ANKIB1: variants seen among roughly 807,000 people sequenced by gnomAD.
ANKIB1 encodes the protein ankyrin repeat and IBR domain containing 1, also known as ankyrin repeat and IBR domain-containing protein 1.
ANKIB1 carries 43 observed loss-of-function variants against 122.1 expected under a neutral mutation model. The ratio of observed to expected loss-of-function variants is 0.35; its 90% CI spans 0.28 to 0.45. ANKIB1 has a LOEUF of 0.45. Among genes scored for constraint, ANKIB1 ranks in the 20% least tolerant of loss-of-function variants. The pLI, the probability that ANKIB1 is intolerant of heterozygous loss-of-function variation, is 1.00. For synonymous variants in ANKIB1, 390 were observed against 442.0 expected (o/e 0.88, Z 1.48); for missense variants, 992 against 1,329.5 (o/e 0.75, Z 3.95).
intron 3 of ANKIB1, among the ~76,000 whole-genome samples, chr7:92,316,367 G>C (rs1421559957): frequency 6.6e-6 from 1 of 152,066 alleles, no homozygotes; most frequent in East Asian, 1.9e-4. Flanking sequence ...TTACTTACTG[G>C]TGTTCCTGAC....
Position 92,258,575 on chromosome 7 carries a change from G to A in ANKIB1, c.-91+12056G>A, listed in dbSNP as rs374084474. Among the ~76,000 whole-genome samples, 49 of 152,222 alleles carry A rather than the reference G, an allele frequency of 3.2e-4. 1 individual carries two copies. The highest frequency in any genetic ancestry group is 9.9e-4 in the African/African-American group (41 of 41,512). On this transcript the variant is annotated intron_variant, in intron 1 of 19. Transcript: ENST00000265742. ...TCTTAGAATGGTACTGGTTATATAC[G>A]ATCATTGGGAGAATTTTAGAAATAG... is the stretch of plus-strand genomic sequence containing the variant.
At chr7:92,310,782 C>T (rs777111423) in intron 3 of ANKIB1, among the ~76,000 whole-genome samples, 3 of 152,056 alleles carry the variant, frequency 2.0e-5, no homozygotes, top group Non-Finnish European at 4.4e-5. Context: ...AAGAAAAAAA[C>T]GTGGATGTTC....
Position 92,362,208 on chromosome 7 carries a change from A to T in ANKIB1, c.1421A>T (p.Glu474Val), listed in dbSNP as rs750507159. ...FCWECLGEAH[E>V]PCDCQTWKNW... ...AGGGAGTGCCTTGGTGAAGCACATGAGCCTTGTGACTGCCAAACATGGAAG... is the reference window on the plus strand; with the variant it reads ...AGGGAGTGCCTTGGTGAAGCACATGTGCCTTGTGACTGCCAAACATGGAAG... The change falls in exon 10 of 20, where the codon GAG (glutamate) becomes GTG (valine). Residue 474 changes from glutamate (E) to valine (V), a missense_variant. Glu to Val is a moderately radical substitution (Grantham distance 121). Transcript: ENST00000265742. The T allele has an allele frequency of 6.2e-7, 1 of 1,600,440 alleles. No individual in the cohort carries two copies. Among genetic ancestry groups the T allele is most frequent in the South Asian group, 1.1e-5 (1 of 87,998 alleles).
intron 10 of ANKIB1, among the ~76,000 whole-genome samples, chr7:92,368,125 C>G (rs1024271643): frequency 6.6e-6 from 1 of 151,844 alleles, no homozygotes; most frequent in Non-Finnish European, 1.5e-5. Context: ...CACTGCATTC[C>G]AGTCTGGATA....
At chr7:92,328,555 C>T (rs866136847) in intron 5 of ANKIB1, among the ~76,000 whole-genome samples, 6 of 152,038 alleles carry the variant, frequency 3.9e-5, no homozygotes, top group South Asian at 2.1e-4. Flanking sequence ...ATTGGATCTT[C>T]TCATTGCCCA....
intron 6 of ANKIB1, among the ~76,000 whole-genome samples, chr7:92,344,198 T>G (rs1246529410): frequency 1.6e-5 from 1 of 61,376 alleles, no homozygotes; most frequent in African/African-American, 5.4e-5. Flanking sequence ...TTTTGGTTTT[T>G]TTTTTTTTTT....
rs956206684 is a variant in ANKIB1 at position 92,398,008 on chromosome 7, A to G, written c.2532+149A>G. On this transcript the variant is annotated intron_variant, in intron 19 of 19. Coordinates refer to ENST00000265742, the MANE Select transcript of ANKIB1 (RefSeq NM_019004.2). Reference sequence around the variant, plus strand: ...ATGTGCTGCAGGAAAAGATATTCCTATATTTTAGATTTATTTTAAGGTATG... The same window carrying G: ...ATGTGCTGCAGGAAAAGATATTCCTGTATTTTAGATTTATTTTAAGGTATG... 3.6e-5 allele frequency: 45 copies of G among 1,237,888 alleles called. No individual in the cohort carries two copies. In the Middle Eastern group the frequency reaches 1.1e-3, roughly 29 times the overall value. The allele number at this position is 1,237,888 out of a possible 1,614,324, so 76.7% of individuals were successfully genotyped here.
At chr7:92,330,523 T>G (rs1803147442) in intron 5 of ANKIB1, among the ~76,000 whole-genome samples, 1 of 152,174 alleles carries the variant, frequency 6.6e-6, no homozygotes, top group South Asian at 2.1e-4. Context: ...AAATTAAATT[T>G]AGAAATTCTG....
chr7:92,247,951 A>G (rs1801222485), intron 1 of ANKIB1, among the ~76,000 whole-genome samples: 1 of 152,184 alleles, frequency 6.6e-6, no homozygotes, highest in South Asian at 2.1e-4. Context: ...CTCACTGTTC[A>G]CAGATTTTAA....
At chr7:92,380,499 C>T (rs1804489147) in intron 11 of ANKIB1, among the ~76,000 whole-genome samples, 1 of 152,188 alleles carries the variant, frequency 6.6e-6, no homozygotes, top group Admixed American at 6.5e-5. Context: ...ACTGACACCT[C>T]ATACAGCCAG....
chr7:92,254,263 GA>G (rs1386856678), intron 1 of ANKIB1, among the ~76,000 whole-genome samples: 1 of 152,186 alleles, frequency 6.6e-6, no homozygotes, highest in Non-Finnish European at 1.5e-5. Flanking sequence ...CTAAGTTTGG[GA>G]TGGTTTGTTC....
chr7:92,268,951 G>C (rs1339885212), intron 1 of ANKIB1, among the ~76,000 whole-genome samples: 1 of 152,174 alleles, frequency 6.6e-6, no homozygotes, highest in Non-Finnish European at 1.5e-5. Context: ...AGAATGTTTG[G>C]GGAAAGCATT....
chr7:92,330,633 G>A (rs1459080410), intron 5 of ANKIB1, among the ~76,000 whole-genome samples: 1 of 152,052 alleles, frequency 6.6e-6, no homozygotes, highest in Non-Finnish European at 1.5e-5. Flanking sequence ...ATGAGGTCAG[G>A]AGATCGAGAC....
chr7:92,265,962 GTAGT>G (rs1460071483), intron 1 of ANKIB1, among the ~76,000 whole-genome samples: 2 of 152,208 alleles, frequency 1.3e-5, no homozygotes, highest in African/African-American at 2.4e-5. Flanking sequence ...AGTTTTTGTA[GTAGT>G]TAAACTCCTA....
chr7:92,345,591 G>A (rs1386322274), intron 7 of ANKIB1, among the ~76,000 whole-genome samples: 1 of 152,050 alleles, frequency 6.6e-6, no homozygotes, highest in Non-Finnish European at 1.5e-5. Flanking sequence ...TACCCTTCCC[G>A]TTACCTTTCA....
In ANKIB1 at chr7:92,283,556, C is replaced by T. The variant is rs73230419; in HGVS notation, c.-90-11333C>T. 8.7e-4 allele frequency among the ~76,000 whole-genome samples: 132 copies of T among 152,292 alleles called. 1 individual carries two copies. The highest frequency in any genetic ancestry group is 2.7e-3 in the South Asian group (13 of 4,830). On this transcript the variant is annotated intron_variant, in intron 1 of 19. Coordinates refer to ENST00000265742, the MANE Select transcript of ANKIB1 (RefSeq NM_019004.2). ...CTTCCAGTATAAGGTCTGTCTCCTG[C>T]TCCTGGTTTTGTACTTAGGAATTCT...
chr7:92,270,922 T>C (rs560593781), intron 1 of ANKIB1, among the ~76,000 whole-genome samples: 107 of 152,134 alleles, frequency 7.0e-4, no homozygotes, highest in Non-Finnish European at 1.3e-3. Flanking sequence ...ATTCTGTTAA[T>C]GACAGTCTCT....
At chr7:92,319,564 T>C in intron 4 of ANKIB1, 52 bp downstream of exon 4, 1 of 1,538,028 alleles carries the variant, frequency 6.5e-7, no homozygotes, top group Non-Finnish European at 8.9e-7. Flanking sequence ...TTTTAGATTT[T>C]ATGTTGTTTT....
Position 92,246,493 on chromosome 7 carries a change from C to T in ANKIB1, c.-117C>T. ...ACTGCGGAGTTGCTGGGTCCACCGA[C>T]CCTTACCCTCAGCGAGAGAAGTAAC... On this transcript the variant is annotated 5_prime_UTR_variant, in exon 1 of 20. Coordinates refer to ENST00000265742, the MANE Select transcript of ANKIB1 (RefSeq NM_019004.2). 3 of 518,540 alleles carry T rather than the reference C, an allele frequency of 5.8e-6. 1 individual carries two copies. Among genetic ancestry groups the T allele is most frequent in the South Asian group, 4.2e-5 (3 of 71,530 alleles). 32.1% of individuals were successfully genotyped at this position (518,540 alleles called of 1,614,324 possible).
Sources: gnomAD v4.1 joint callset for allele counts (sites outside exome capture counted in the v4.1 genomes callset) on GRCh38, gnomAD v4.1.1 for gene constraint, MANE v1.5 for transcripts, NCBI Gene and HGNC (gene_info 2026-07-23, HGNC 2026-07-21) for gene names.